POU6F2: variants seen among roughly 807,000 people sequenced by gnomAD.
POU6F2 encodes the protein POU class 6 homeobox 2, also known as POU domain, class 6, transcription factor 2.
In POU6F2, 31 loss-of-function variants were observed where a neutral mutation model predicts 71.3. That is an observed-to-expected ratio of 0.43 (90% confidence interval 0.33 to 0.59). POU6F2 has a LOEUF of 0.59. Ranked by LOEUF, POU6F2 falls within the 20% of genes least tolerant of loss-of-function variation. The pLI is 0.04. For synonymous variants in POU6F2, 347 were observed against 355.7 expected (o/e 0.98, Z 0.27); for missense variants, 783 against 856.8 (o/e 0.91, Z 1.07).
At chr7:39,156,070 G>T (rs567655714) in intron 2 of POU6F2, among the ~76,000 whole-genome samples, 1 of 152,216 alleles carries the variant, frequency 6.6e-6, no homozygotes, top group South Asian at 2.1e-4. Context: ...CATTTTGGCT[G>T]ATAGAGACAT....
chr7:39,236,805 T>G (rs934198677), intron 4 of POU6F2, among the ~76,000 whole-genome samples: 4 of 152,238 alleles, frequency 2.6e-5, no homozygotes, highest in African/African-American at 9.6e-5. Flanking sequence ...AAATTGTCAC[T>G]TTATGATACA....
Position 39,393,354 on chromosome 7 carries a change from C to T in POU6F2, c.973-13246C>T, listed in dbSNP as rs539008053. The stretch of plus-strand genomic sequence containing the variant: ...TTTTGGGCACTTAATGCTGCAGCAC[C>T]TCTGGCACGGGTGTGGCAGATACTC... On this transcript the variant is annotated intron_variant, in intron 5 of 9. Coordinates refer to ENST00000518318, the MANE Select transcript of POU6F2 (RefSeq NM_001370959.1). 9.9e-5 allele frequency among the ~76,000 whole-genome samples: 15 copies of T among 152,278 alleles called. No individual in the cohort carries two copies. The East Asian group carries it at 2.9e-3, about 29-fold the overall frequency.
chr7:39,365,019 A>G (rs190877363), intron 5 of POU6F2, among the ~76,000 whole-genome samples: 1 of 152,206 alleles, frequency 6.6e-6, no homozygotes, highest in Non-Finnish European at 1.5e-5. Context: ...TTGATCATTA[A>G]TGATGTTAAG....
intron 2 of POU6F2, among the ~76,000 whole-genome samples, chr7:39,102,677 C>T (rs1791600755): frequency 6.6e-6 from 1 of 152,070 alleles, no homozygotes; most frequent in African/African-American, 2.4e-5. Flanking sequence ...TACACACACA[C>T]ATACATACAG....
intron 1 of POU6F2, among the ~76,000 whole-genome samples, chr7:38,983,806 G>A (rs1201453714): frequency 3.3e-5 from 5 of 151,926 alleles, no homozygotes; most frequent in African/African-American, 7.3e-5. Context: ...TCTCATAAAC[G>A]TAAAACCATT....
intron 1 of POU6F2, among the ~76,000 whole-genome samples, chr7:39,031,864 G>A (rs1789950183): frequency 6.6e-6 from 1 of 151,522 alleles, no homozygotes; most frequent in South Asian, 2.1e-4. Flanking sequence ...CTGGGCAACA[G>A]AGGGAGACTG....
chr7:39,123,134 A>C (rs1350725344), intron 2 of POU6F2, among the ~76,000 whole-genome samples: 2 of 152,238 alleles, frequency 1.3e-5, no homozygotes, highest in African/African-American at 2.4e-5. Flanking sequence ...TGATGTGTGC[A>C]AATCAGCTGT....
intron 1 of POU6F2, among the ~76,000 whole-genome samples, chr7:39,033,927 G>T (rs1005845117): frequency 6.6e-6 from 1 of 152,160 alleles, no homozygotes; most frequent in African/African-American, 2.4e-5. Flanking sequence ...CTTCTCAGCT[G>T]TAATGTTATG....
At chr7:39,311,723 G>A (rs576988626) in intron 4 of POU6F2, among the ~76,000 whole-genome samples, 47 of 152,306 alleles carry the variant, frequency 3.1e-4, no homozygotes, top group Admixed American at 1.3e-3. Context: ...AGCCACAGGC[G>A]AAGGCTGTGA....
chr7:39,451,499 CATTT>C (rs1054722690), intron 7 of POU6F2, 30 bp from the exon 8 acceptor site: 1 of 1,570,090 alleles, frequency 6.4e-7, no homozygotes, highest in East Asian at 2.3e-5. Context: ...ATTTTTCATT[CATTT>C]GTGTATTTTT....
intron 1 of POU6F2, among the ~76,000 whole-genome samples, chr7:39,052,313 C>T (rs555318170): frequency 4.6e-5 from 7 of 152,170 alleles, no homozygotes; most frequent in East Asian, 1.9e-4. Flanking sequence ...TGTATTAGTC[C>T]GTTCTCACAT....
At chr7:39,320,043 A>G (rs949742568) in intron 4 of POU6F2, among the ~76,000 whole-genome samples, 7 of 152,238 alleles carry the variant, frequency 4.6e-5, no homozygotes, top group African/African-American at 1.4e-4. Context: ...AAGCCGGCTC[A>G]GAGGGTAACC....
chr7:38,987,567 C>A lies in POU6F2; in HGVS notation c.105+9509C>A, dbSNP rs527843668. Among the ~76,000 whole-genome samples, 4 of 152,158 alleles carry A rather than the reference C, an allele frequency of 2.6e-5. No individual in the cohort carries two copies. The South Asian group carries it at 8.3e-4, about 32-fold the overall frequency. On this transcript the variant is annotated intron_variant, in intron 1 of 9. Transcript: ENST00000518318. ...TCATATTGTCAGACCAATCCTTCAACCCTGATTCATAAGTTAAATAATGCA... is the reference window on the plus strand; with the variant it reads ...TCATATTGTCAGACCAATCCTTCAAACCTGATTCATAAGTTAAATAATGCA...
intron 1 of POU6F2, among the ~76,000 whole-genome samples, chr7:38,979,032 G>T (rs1056780008): frequency 1.3e-5 from 2 of 152,146 alleles, no homozygotes; most frequent in East Asian, 1.9e-4. Flanking sequence ...CAAAGGGAGG[G>T]TGATTTTTCT....
intron 2 of POU6F2, among the ~76,000 whole-genome samples, chr7:39,108,270 C>T (rs1360475433): frequency 2.1e-5 from 3 of 141,438 alleles, no homozygotes; most frequent in Non-Finnish European, 4.7e-5. Flanking sequence ...AAATGTTTCC[C>T]TTCAATTATT....
chr7:39,049,595 A>G (rs781214176), intron 1 of POU6F2, among the ~76,000 whole-genome samples: 1 of 152,036 alleles, frequency 6.6e-6, no homozygotes, highest in Non-Finnish European at 1.5e-5. Flanking sequence ...TCAGCAAATG[A>G]TAGCTTGTGG....
chr7:38,985,904 A>C (rs1788451985), intron 1 of POU6F2, among the ~76,000 whole-genome samples: 1 of 152,174 alleles, frequency 6.6e-6, no homozygotes, highest in Non-Finnish European at 1.5e-5. Context: ...GTAATATATT[A>C]ATCCTCAATT....
In POU6F2 at chr7:39,045,993, A is replaced by G. The variant is rs983215256; in HGVS notation, c.106-39867A>G. On this transcript the variant is annotated intron_variant, in intron 1 of 9. Coordinates refer to ENST00000518318, the MANE Select transcript of POU6F2 (RefSeq NM_001370959.1). ...TTCTTAGAAGTGGGATTTGTGGGTC[A>G]TATTGATATGTTTATGGTTCACTTT... Among the ~76,000 whole-genome samples, 3 of 151,892 alleles carry G rather than the reference A, an allele frequency of 2.0e-5. No homozygotes were observed. In the South Asian group the frequency reaches 6.2e-4, roughly 31 times the overall value.
intron 1 of POU6F2, among the ~76,000 whole-genome samples, chr7:39,071,435 C>G (rs1053711738): frequency 6.6e-6 from 1 of 152,022 alleles, no homozygotes; most frequent in African/African-American, 2.4e-5. Flanking sequence ...TAACAGGCCA[C>G]AGACTGGTCT....
Sources: allele counts gnomAD v4.1 joint callset (sites outside exome capture counted in the v4.1 genomes callset), GRCh38; gene constraint gnomAD v4.1.1; transcripts MANE v1.5; gene names NCBI Gene and HGNC (gene_info 2026-07-23, HGNC 2026-07-21).